ADGRB1: variants seen among roughly 807,000 people sequenced by gnomAD.
The protein encoded by ADGRB1 is adhesion G protein-coupled receptor B1, also known as brain-specific angiogenesis inhibitor 1.
A neutral mutation model predicts 175.7 loss-of-function variants in ADGRB1; 36 were observed. The observed-to-expected ratio is 0.20, with a 90% CI of 0.16 to 0.27. The LOEUF (loss-of-function observed/expected upper bound fraction) is 0.27, where lower values mean the gene tolerates loss of function less well. ADGRB1 is among the 10% of genes least tolerant of loss of function. The pLI, the probability that ADGRB1 is intolerant of heterozygous loss-of-function variation, is 1.00. For missense variants in ADGRB1, 1,731 were observed against 2,255.3 expected, an observed-to-expected ratio of 0.77 and a Z score of 4.71; for synonymous variants, 1,054 against 979.4, an observed-to-expected ratio of 1.08 and a Z score of -1.42.
chr8:142,521,031 C>T lies in ADGRB1; in HGVS notation c.3024+106C>T, dbSNP rs558342417. ...GGGATCCCTGGGAAACTCAGGCAGG[C>T]GGGTGTGGGGGCAGGAGGAGGCTGC... On this transcript the variant is annotated intron_variant, in intron 20 of 30. Transcript: ENST00000517894. 226 of 1,132,138 alleles carry T rather than the reference C, an allele frequency of 2.0e-4. No individual in the cohort carries two copies. The highest frequency in any genetic ancestry group is 1.0e-3 in the Middle Eastern group (5 of 4,928). The allele number at this position is 1,132,138 out of a possible 1,614,324, so 70.1% of individuals were successfully genotyped here.
Position 142,533,364 on chromosome 8 carries a change from C to G in ADGRB1, c.3468C>G (p.Ala1156=). Residue 1156 remains alanine (A), a synonymous_variant, in exon 25 of 31, where the codon GCC becomes GCG. Coordinates refer to ENST00000517894, the MANE Select transcript of ADGRB1 (RefSeq NM_001702.3). The part of the protein sequence containing the change: ...LALTWMSAVL[A]VTDRRSALFQ... ...TGACCTGGATGTCGGCTGTGCTCGCCGTCACCGACCGCCGCTCCGCCCTCT... is the reference window on the plus strand; with the variant it reads ...TGACCTGGATGTCGGCTGTGCTCGCGGTCACCGACCGCCGCTCCGCCCTCT... The G allele has an allele frequency of 3.1e-6, 5 of 1,603,930 alleles. No individual in the cohort carries two copies. The highest frequency in any genetic ancestry group is 4.2e-6 in the Non-Finnish European group (5 of 1,176,894).
At chr8:142,533,078 T>G (rs2132225093) in intron 24 of ADGRB1, among the ~76,000 whole-genome samples, 2 of 149,894 alleles carry the variant, frequency 1.3e-5, no homozygotes, top group African/African-American at 4.9e-5. Flanking sequence ...ATTGGGGGAG[T>G]CCTGGGGAGG....
intron 17 of ADGRB1, among the ~76,000 whole-genome samples, chr8:142,508,017 G>A (rs1030463159): frequency 3.3e-5 from 5 of 152,048 alleles, no homozygotes; most frequent in South Asian, 2.1e-4. Flanking sequence ...ATTATCCAAC[G>A]TCACATAGCA....
chr8:142,456,771 G>A (rs890727178), intron 1 of ADGRB1, among the ~76,000 whole-genome samples: 2 of 152,254 alleles, frequency 1.3e-5, no homozygotes, highest in Admixed American at 1.3e-4. Context: ...GCCGTGGTGG[G>A]GTGGAGGCCT....
At chr8:142,522,198 C>T in intron 21 of ADGRB1, 83 bp downstream of exon 21, 3 of 1,539,960 alleles carry the variant, frequency 1.9e-6, no homozygotes, top group Non-Finnish European at 1.7e-6. Context: ...CCCTCCTCTC[C>T]CCATCCCCTG....
Position 142,455,288 on chromosome 8 carries a change from C to T in ADGRB1, c.-220+5184C>T, listed in dbSNP as rs553039692. ...GCACCTGGACACCCCTCACAGCCAC[C>T]TCCCTCAGCATGATCGCTGTCACCT... On this transcript the variant is annotated intron_variant, in intron 1 of 30. Coordinates refer to ENST00000517894, the MANE Select transcript of ADGRB1 (RefSeq NM_001702.3). This position sits in a 1 kb window ranked among gnomAD's most constrained non-coding sequence, Gnocchi z 4.9. Among the ~76,000 whole-genome samples the T allele has an allele frequency of 1.3e-5, 2 of 152,210 alleles. No individual in the cohort carries two copies. Among genetic ancestry groups the T allele is most frequent in the East Asian group, 3.9e-4 (2 of 5,166 alleles).
In ADGRB1 at chr8:142,481,642, C is replaced by T. The variant is rs375442484; in HGVS notation, c.2061C>T (p.Ile687=). 1.0e-4 allele frequency: 161 copies of T among 1,607,690 alleles called. 1 individual carries two copies. Among genetic ancestry groups the T allele is most frequent in the South Asian group, 4.1e-4 (37 of 89,668 alleles). ...TSYSGDLLST[I]DVLRNMTEIF... The stretch of plus-strand genomic sequence containing the variant: ...ACAGTGGGGACCTGCTGTCCACCAT[C>T]GATGTCCTGAGGAACATGACAGAGA... The change falls in exon 11 of 31, where the codon ATC becomes ATT. Residue 687 remains isoleucine, a synonymous_variant. Coordinates refer to ENST00000517894, the MANE Select transcript of ADGRB1 (RefSeq NM_001702.3).
chr8:142,509,481 A>T lies in ADGRB1; in HGVS notation c.2676-1451A>T, dbSNP rs1307456785. Among the ~76,000 whole-genome samples the T allele has an allele frequency of 2.0e-5, 3 of 152,278 alleles. No homozygotes were observed. In the South Asian group the frequency reaches 6.2e-4, roughly 32 times the overall value. ...CTCTCCAGGCTCCTCTGGGGATAGC[A>T]GGCTGGAGAGAGCGCCAGCCACAGG... On this transcript the variant is annotated intron_variant, in intron 17 of 30. Transcript: ENST00000517894.
chr8:142,533,171 C>A, intron 24 of ADGRB1, 124 bp from the exon 25 acceptor site: 2 of 1,135,804 alleles, frequency 1.8e-6, no homozygotes, highest in South Asian at 3.4e-5. Context: ...TGGCCCAGGC[C>A]CCCAGAGACA....
chr8:142,456,568 CCACACGCA>C (rs1353823487), intron 1 of ADGRB1, among the ~76,000 whole-genome samples: 10 of 152,186 alleles, frequency 6.6e-5, no homozygotes, highest in African/African-American at 1.7e-4. Context: ...CCTGCACTCA[CCACACGCA>C]CACACGCACA....
chr8:142,532,678 T>C (rs1368303020), intron 24 of ADGRB1, among the ~76,000 whole-genome samples: 1 of 152,082 alleles, frequency 6.6e-6, no homozygotes, highest in Non-Finnish European at 1.5e-5. Context: ...CTTCTCTCTC[T>C]CCAGGTCTCT....
chr8:142,485,592 C>T (rs1201456944), intron 13 of ADGRB1, among the ~76,000 whole-genome samples: 2 of 152,236 alleles, frequency 1.3e-5, no homozygotes, highest in Non-Finnish European at 2.9e-5. Context: ...GGATGCTTCA[C>T]CTTTAGTGAT....
In ADGRB1 at chr8:142,542,517, C is replaced by T; in HGVS notation, c.4283C>T (p.Pro1428Leu). 4.1e-6 allele frequency: 6 copies of T among 1,469,768 alleles called. No individual in the cohort carries two copies. The highest frequency in any genetic ancestry group is 5.4e-6 in the Non-Finnish European group (6 of 1,110,424). The allele number at this position is 1,469,768 out of a possible 1,614,324, so 91.0% of individuals were successfully genotyped here. The change falls in exon 28 of 31, where the codon CCA (proline) becomes CTA (leucine). Residue 1428 changes from proline to leucine, a missense_variant. Transcript: ENST00000517894. This position sits in a 1 kb window ranked among gnomAD's most constrained non-coding sequence, Gnocchi z 6.3. ...CCACCTCCCCAGCAGCCCCTGCCCC[C>T]ACCGCCCAATCTGGAGCCGGCACCC... Reference protein sequence around the residue: ...PPPPPQQPLPPPPNLEPAPPS... With the variant: ...PPPPPQQPLPLPPNLEPAPPS...
intron 1 of ADGRB1, among the ~76,000 whole-genome samples, chr8:142,460,248 TG>T (rs1204918258): frequency 6.6e-6 from 1 of 150,398 alleles, no homozygotes; most frequent in African/African-American, 2.5e-5. Context: ...GTGGGTCTGC[TG>T]GGGGCAGGGC....
chr8:142,531,445 A>G (rs746425967), intron 24 of ADGRB1, among the ~76,000 whole-genome samples: 2 of 152,200 alleles, frequency 1.3e-5, no homozygotes, highest in Non-Finnish European at 2.9e-5. Flanking sequence ...CTGAGTTCCC[A>G]GGCGTGGGGT....
rs943312789 is a variant in ADGRB1 at position 142,536,836 on chromosome 8, A to G, written c.3571-151A>G. On this transcript the variant is annotated intron_variant, in intron 25 of 30. Transcript: ENST00000517894. ...CACCCAGTGGGTCATGACTCAGCAG[A>G]CCAGAGGTGGCCCTGTGGGGAGGCC... 2.4e-5 allele frequency: 13 copies of G among 548,960 alleles called. No homozygotes were observed. In the Admixed American group the frequency reaches 3.8e-4, roughly 16 times the overall value. The allele number at this position is 548,960 out of a possible 1,614,324, so 34.0% of individuals were successfully genotyped here.
chr8:142,529,003 G>C (rs1296607977), intron 24 of ADGRB1, among the ~76,000 whole-genome samples: 3 of 152,204 alleles, frequency 2.0e-5, no homozygotes, highest in Non-Finnish European at 4.4e-5. Context: ...CTTGCTTCTG[G>C]AGTTGAACCT....
At chr8:142,469,497 A>ATG (rs1226935956) in intron 2 of ADGRB1, among the ~76,000 whole-genome samples, 1 of 132,412 alleles carries the variant, frequency 7.6e-6, no homozygotes, top group South Asian at 2.6e-4. Flanking sequence ...ATGCACGTGC[A>ATG]TGTGTGAATG....
At chr8:142,473,401 C>A (rs1405591150) in intron 2 of ADGRB1, among the ~76,000 whole-genome samples, 1 of 152,240 alleles carries the variant, frequency 6.6e-6, no homozygotes, top group African/African-American at 2.4e-5. Context: ...GGGCCCCAGA[C>A]AGTCCTGGCA....
Sources: allele counts gnomAD v4.1 joint callset (sites outside exome capture counted in the v4.1 genomes callset), GRCh38; gene constraint gnomAD v4.1.1; non-coding constraint Gnocchi (gnomAD v3.1); transcripts MANE v1.5; gene names NCBI Gene and HGNC (gene_info 2026-07-23, HGNC 2026-07-21).